The following TECPR2 variants were observed in gnomAD, a reference collection of about 807,000 sequenced individuals.
TECPR2 encodes tectonin beta-propeller repeat containing 2, also known as tectonin beta-propeller repeat-containing protein 2.
Under a neutral mutation model 138.1 loss-of-function variants are expected in TECPR2, and 65 were observed. The observed-to-expected ratio is 0.47, with a 90% confidence interval of 0.39 to 0.58. The LOEUF (loss-of-function observed/expected upper bound fraction) is 0.58. Ranked by LOEUF, TECPR2 falls within the 20% of genes least tolerant of loss-of-function variation. The pLI is 0.00. For synonymous variants in TECPR2, 746 were observed against 749.8 expected (o/e 0.99, Z 0.08); for missense variants, 1,553 against 1,824.5 (o/e 0.85, Z 2.71).
intron 16 of TECPR2, among the ~76,000 whole-genome samples, chr14:102,453,561 C>G (rs572648359): frequency 6.6e-6 from 1 of 151,650 alleles, no homozygotes; most frequent in African/African-American, 2.4e-5. Flanking sequence ...GAAATAATAA[C>G]ATAAGCCCAC....
At chr14:102,448,869 A>C (rs560412467) in intron 13 of TECPR2, among the ~76,000 whole-genome samples, 36 of 152,242 alleles carry the variant, frequency 2.4e-4, no homozygotes, top group African/African-American at 8.7e-4. Context: ...TATGTCTCAA[A>C]AAAAAAAAAG....
intron 16 of TECPR2, among the ~76,000 whole-genome samples, chr14:102,460,661 C>T (rs535960641): frequency 1.3e-5 from 2 of 150,708 alleles, no homozygotes; most frequent in Admixed American, 6.6e-5. Flanking sequence ...ATGACTTTAG[C>T]GAAGTATCAA....
chr14:102,440,603 C>G lies in TECPR2; in HGVS notation c.2746C>G (p.Gln916Glu). The stretch of plus-strand genomic sequence containing the variant: ...CAGGACCAGTGGGGACCTATACTTG[C>G]AGACAGGTAACCGCGGGCCACGCTT... ...IIRTSGDLYL[Q>E]TGLSVDRPCA... The change falls in exon 11 of 20, where the codon CAG becomes GAG. Residue 916 changes from glutamine (Q) to glutamate (E), a missense_variant. Coordinates refer to ENST00000359520, the MANE Select transcript of TECPR2 (RefSeq NM_014844.5). 1 of 1,613,348 alleles carries G rather than the reference C, an allele frequency of 6.2e-7. No homozygotes were observed.
intron 19 of TECPR2, among the ~76,000 whole-genome samples, 176 bp from the exon 20 acceptor site, chr14:102,497,927 T>C (rs1163085222): frequency 6.6e-6 from 1 of 151,756 alleles, no homozygotes; most frequent in Non-Finnish European, 1.5e-5. Flanking sequence ...GACAAGGTGC[T>C]GTTGACATCC....
In TECPR2 at chr14:102,445,858, C is replaced by G. The variant is rs779900183; in HGVS notation, c.2986C>G (p.Leu996Val). The G allele has an allele frequency of 3.1e-6, 5 of 1,613,816 alleles. No homozygotes were observed. The African/African-American group carries it at 6.7e-5, about 22-fold the overall frequency. The stretch of plus-strand genomic sequence containing the variant: ...CATAACGCTCGGGGATCAGCAGACT[C>G]TCTGGGCCCTGGACATCCATGGGAA... ...VCITLGDQQT[L>V]WALDIHGNLW... The change falls in exon 13 of 20, where the codon CTC (leucine) becomes GTC (valine). Residue 996 changes from leucine (L) to valine (V), a missense_variant. Physicochemically the swap from Leu to Val is conservative, Grantham distance 32. Coordinates refer to ENST00000359520, the MANE Select transcript of TECPR2 (RefSeq NM_014844.5).
At chr14:102,401,059 T>G (rs1261563821) in intron 2 of TECPR2, among the ~76,000 whole-genome samples, 1 of 149,984 alleles carries the variant, frequency 6.7e-6, no homozygotes, top group East Asian at 2.0e-4. Context: ...ATGATAGAAA[T>G]AAGTCCCTGT....
chr14:102,496,861 C>T (rs948513516), intron 17 of TECPR2, 118 bp from the exon 18 acceptor site: 67 of 1,476,604 alleles, frequency 4.5e-5, no homozygotes, highest in Admixed American at 5.8e-5. Context: ...CTGCCTCCTG[C>T]GGGGCCCACA....
chr14:102,487,147 A>G (rs1418365787), intron 17 of TECPR2, among the ~76,000 whole-genome samples: 4 of 152,206 alleles, frequency 2.6e-5, no homozygotes, highest in Admixed American at 1.3e-4. Flanking sequence ...GGGAAAAGAA[A>G]AGGCAGTGTG....
chr14:102,483,952 ATG>A (rs1890958589), intron 17 of TECPR2, among the ~76,000 whole-genome samples: 2 of 57,288 alleles, frequency 3.5e-5, no homozygotes, highest in African/African-American at 9.1e-5. Context: ...ACCTGCCACC[ATG>A]CCTGGCTGAT....
At chr14:102,428,426 AC>A (rs1487490975) in intron 7 of TECPR2, 44 bp downstream of exon 7, 4 of 1,601,390 alleles carry the variant, frequency 2.5e-6, no homozygotes, top group African/African-American at 1.3e-5. Flanking sequence ...GATGGGAAGT[AC>A]TATACTCTGT....
At chr14:102,421,875 A>G (rs1889193853) in intron 5 of TECPR2, among the ~76,000 whole-genome samples, 1 of 152,204 alleles carries the variant, frequency 6.6e-6, no homozygotes, top group Non-Finnish European at 1.5e-5. Flanking sequence ...CATCGAGCCC[A>G]GGGCTAGCTC....
chr14:102,406,414 C>T (rs867179728), intron 2 of TECPR2, among the ~76,000 whole-genome samples: 16 of 152,122 alleles, frequency 1.1e-4, no homozygotes, highest in Non-Finnish European at 1.3e-4. Context: ...GGCGTGGTGG[C>T]GGGCGCCTGT....
intron 17 of TECPR2, among the ~76,000 whole-genome samples, chr14:102,471,682 A>G (rs1890654795): frequency 6.6e-6 from 1 of 152,016 alleles, no homozygotes; most frequent in South Asian, 2.1e-4. Flanking sequence ...AATTGCCACT[A>G]TACTCCAGCC....
chr14:102,390,355 A>G (rs1177075997), intron 2 of TECPR2, among the ~76,000 whole-genome samples: 2 of 151,940 alleles, frequency 1.3e-5, no homozygotes, highest in Non-Finnish European at 2.9e-5. Context: ...TGAGGAAGTT[A>G]TGTTGCTACA....
Position 102,435,147 on chromosome 14 carries a change from G to C in TECPR2, c.2330G>C (p.Ser777Thr), listed in dbSNP as rs144849839. 5.3e-5 allele frequency: 86 copies of C among 1,613,208 alleles called. No homozygotes were observed. Among genetic ancestry groups the C allele is most frequent in the Non-Finnish European group, 7.2e-5 (85 of 1,180,050 alleles). Residue 777 changes from serine to threonine, a missense_variant, in exon 9 of 20, where the codon AGT becomes ACT. Ser to Thr is a moderately conservative substitution (Grantham distance 58). Transcript: ENST00000359520. ...SETSVTELGP[S>T]CSQQDLSRLG... ...ACGAGTGTGACAGAGCTCGGACCTA[G>C]TTGCTCCCAGCAGGACCTGAGCCGG...
intron 2 of TECPR2, among the ~76,000 whole-genome samples, chr14:102,384,111 G>A (rs1887920262): frequency 6.6e-6 from 1 of 151,448 alleles, no homozygotes; most frequent in Admixed American, 6.6e-5. Flanking sequence ...TAGAGACAGG[G>A]TTTCTCCGTG....
At chr14:102,404,521 C>T (rs1377852855) in intron 2 of TECPR2, among the ~76,000 whole-genome samples, 1 of 151,508 alleles carries the variant, frequency 6.6e-6, no homozygotes, top group Admixed American at 6.6e-5. Flanking sequence ...TAAAAATAGA[C>T]ATAGAGACCG....
intron 19 of TECPR2, 67 bp downstream of exon 19, chr14:102,497,786 G>A: frequency 2.0e-6 from 3 of 1,485,298 alleles, no homozygotes; most frequent in Non-Finnish European, 2.7e-6. Flanking sequence ...GACGATGTCG[G>A]GGGGCTCTCA....
intron 2 of TECPR2, among the ~76,000 whole-genome samples, chr14:102,386,743 A>G (rs1364417345): frequency 6.6e-6 from 1 of 152,166 alleles, no homozygotes; most frequent in Non-Finnish European, 1.5e-5. Flanking sequence ...ACAGCAACAC[A>G]AAGATTTGTT....
Sources: gnomAD v4.1 joint callset for allele counts (sites outside exome capture counted in the v4.1 genomes callset) on GRCh38, gnomAD v4.1.1 for gene constraint, MANE v1.5 for transcripts, NCBI Gene and HGNC (gene_info 2026-07-23, HGNC 2026-07-21) for gene names.